The following GRIN3A variants were observed in gnomAD, a reference collection of about 807,000 sequenced individuals.
The protein encoded by GRIN3A is glutamate ionotropic receptor NMDA type subunit 3A, also known as glutamate receptor ionotropic, NMDA 3A.
GRIN3A carries 47 observed loss-of-function variants against 92.4 expected under a neutral mutation model. The observed-to-expected ratio is 0.51, with a 90% CI of 0.40 to 0.65. The LOEUF (loss-of-function observed/expected upper bound fraction) is 0.65. GRIN3A is among the 30% of genes least tolerant of loss of function. The pLI is 0.00. For synonymous variants in GRIN3A, 527 were observed against 540.6 expected, an observed-to-expected ratio of 0.97 and a Z score of 0.35; for missense variants, 1,324 against 1,393.1, an observed-to-expected ratio of 0.95 and a Z score of 0.79.
chr9:101,602,518 C>G (rs1480295012), intron 6 of GRIN3A, among the ~76,000 whole-genome samples: 1 of 152,194 alleles, frequency 6.6e-6, no homozygotes, highest in Non-Finnish European at 1.5e-5. Flanking sequence ...GGAAGACTGT[C>G]TCTCACAATA....
intron 8 of GRIN3A, 122 bp from the exon 9 acceptor site, chr9:101,573,635 AC>A (rs1395794261): frequency 1.0e-5 from 8 of 801,616 alleles, no homozygotes; most frequent in Non-Finnish European, 1.7e-5. Context: ...AGATGAAGTA[AC>A]AAAGCCATGG....
At chr9:101,732,317 A>T (rs4743485) in intron 1 of GRIN3A, among the ~76,000 whole-genome samples, 43,685 of 151,984 alleles carry the variant, frequency 0.29, 6,557 homozygotes, top group Middle Eastern at 0.37. Context: ...TAGACTCTGT[A>T]TGGTCATAAT....
chr9:101,702,197 G>A (rs1471197533), intron 1 of GRIN3A, among the ~76,000 whole-genome samples: 1 of 152,094 alleles, frequency 6.6e-6, no homozygotes, highest in African/African-American at 2.4e-5. Flanking sequence ...AGCTACTCAG[G>A]TGGCTGAGGC....
chr9:101,623,351 G>T lies in GRIN3A; in HGVS notation c.2581C>A (p.Leu861Ile). 6.2e-7 allele frequency: 1 copy of T among 1,613,394 alleles called. No homozygotes were observed. Among genetic ancestry groups the T allele is most frequent in the East Asian group, 2.2e-5 (1 of 44,870 alleles). ...GCAAATGGCTTCCCCACAGTGAGAA[G>T]TTTGCAGTCAGCATCTATTGACACT... ...YEVSIDADCKLLTVGKPFAIE... is the reference protein window; with the variant it reads ...YEVSIDADCKILTVGKPFAIE... The change falls in exon 5 of 9, where the codon CTT becomes ATT. Residue 861 changes from leucine to isoleucine, a missense_variant. Leu to Ile is a conservative substitution (Grantham distance 5). Coordinates refer to ENST00000361820, the MANE Select transcript of GRIN3A (RefSeq NM_133445.3).
intron 3 of GRIN3A, among the ~76,000 whole-genome samples, chr9:101,668,700 T>C (rs1564140048): frequency 6.6e-6 from 1 of 152,188 alleles, no homozygotes; most frequent in Non-Finnish European, 1.5e-5. Context: ...TGAGGCATTG[T>C]TGGCTGAATC....
intron 8 of GRIN3A, among the ~76,000 whole-genome samples, 167 bp downstream of exon 8, chr9:101,577,601 C>T (rs1416753117): frequency 6.6e-6 from 1 of 152,140 alleles, no homozygotes; most frequent in Non-Finnish European, 1.5e-5. Context: ...ATATTGTGTA[C>T]ACTGCATTTT....
At chr9:101,677,823 A>T (rs1201689693) in intron 2 of GRIN3A, among the ~76,000 whole-genome samples, 1 of 152,126 alleles carries the variant, frequency 6.6e-6, no homozygotes, top group African/African-American at 2.4e-5. Context: ...TAAACATTAA[A>T]TGTGCGTGAT....
At chr9:101,597,015 G>T (rs1175383747) in intron 6 of GRIN3A, among the ~76,000 whole-genome samples, 1 of 152,242 alleles carries the variant, frequency 6.6e-6, no homozygotes, top group Non-Finnish European at 1.5e-5. Context: ...CCTGCAAGGA[G>T]TTGGGCCCAT....
At chr9:101,676,550 C>G (rs1038463184) in intron 2 of GRIN3A, among the ~76,000 whole-genome samples, 1 of 149,236 alleles carries the variant, frequency 6.7e-6, no homozygotes, top group African/African-American at 2.5e-5. Context: ...GCATAAAGCT[C>G]TATCAATTTT....
At chr9:101,674,605 A>G (rs1041719445) in intron 2 of GRIN3A, among the ~76,000 whole-genome samples, 2 of 152,118 alleles carry the variant, frequency 1.3e-5, no homozygotes, top group African/African-American at 4.8e-5. Flanking sequence ...TATAAACTCA[A>G]TGTAAGCCCA....
At chr9:101,711,788 G>A (rs1040919327) in intron 1 of GRIN3A, among the ~76,000 whole-genome samples, 1 of 152,138 alleles carries the variant, frequency 6.6e-6, no homozygotes, top group African/African-American at 2.4e-5. Flanking sequence ...AGGGGTGGGT[G>A]AATGGAAACT....
At chr9:101,719,418 TAAA>T (rs34048066) in intron 1 of GRIN3A, among the ~76,000 whole-genome samples, 7 of 139,980 alleles carry the variant, frequency 5.0e-5, no homozygotes, top group Non-Finnish European at 7.7e-5. Flanking sequence ...GACTCCATCT[TAAA>T]AAAAAAAAAA....
At chr9:101,643,321 A>G (rs1252346656) in intron 3 of GRIN3A, among the ~76,000 whole-genome samples, 5 of 152,166 alleles carry the variant, frequency 3.3e-5, no homozygotes, top group Non-Finnish European at 7.4e-5. Context: ...ACTAATCATC[A>G]GGAAAACGCA....
rs777177602 is a variant in GRIN3A, at chr9:101,737,800, G to T, written c.180C>A (p.Thr60=). 1 of 1,530,502 alleles carries T rather than the reference G, an allele frequency of 6.5e-7. No individual in the cohort carries two copies. The highest frequency in any genetic ancestry group is 8.7e-7 in the Non-Finnish European group (1 of 1,144,730). 94.8% of individuals were successfully genotyped at this position (1,530,502 alleles called of 1,614,324 possible). ...GAGCGCGGCTGGCCGCGCGGGGGGC[G>T]GTGGTCCAGGGCTGCAAGTGCACCG... ...VGAVHLQPWT[T]APRAASRAPD... Residue 60 remains threonine, a synonymous_variant, in exon 1 of 9, where the codon ACC becomes ACA. Transcript: ENST00000361820.
chr9:101,661,788 T>C (rs1829175313), intron 3 of GRIN3A, among the ~76,000 whole-genome samples: 1 of 151,782 alleles, frequency 6.6e-6, no homozygotes, highest in East Asian at 1.9e-4. Flanking sequence ...ATGGCCAAAA[T>C]GATTTATGAG....
At chr9:101,582,734 C>T (rs1014601993) in intron 6 of GRIN3A, among the ~76,000 whole-genome samples, 4 of 152,142 alleles carry the variant, frequency 2.6e-5, no homozygotes, top group African/African-American at 9.7e-5. Flanking sequence ...GTAACATCAT[C>T]AAACATTCAG....
chr9:101,640,352 A>G (rs1205414726), intron 3 of GRIN3A, among the ~76,000 whole-genome samples: 1 of 152,218 alleles, frequency 6.6e-6, no homozygotes, highest in African/African-American at 2.4e-5. Flanking sequence ...TCAGCTGAGT[A>G]AAAAAGACAC....
chr9:101,643,817 A>G (rs115750418), intron 3 of GRIN3A, among the ~76,000 whole-genome samples: 124 of 151,468 alleles, frequency 8.2e-4, no homozygotes, highest in African/African-American at 2.9e-3. Context: ...CAAATACTGT[A>G]TAATTCCACT....
intron 1 of GRIN3A, among the ~76,000 whole-genome samples, chr9:101,699,012 A>T (rs1829721048): frequency 6.6e-6 from 1 of 152,214 alleles, no homozygotes; most frequent in Non-Finnish European, 1.5e-5. Flanking sequence ...ATAGTAAATT[A>T]ACTTTAGTTT....
Sources: allele counts gnomAD v4.1 joint callset (sites outside exome capture counted in the v4.1 genomes callset), GRCh38; gene constraint gnomAD v4.1.1; transcripts MANE v1.5; gene names NCBI Gene and HGNC (gene_info 2026-07-23, HGNC 2026-07-21).